Variants in ITSN1 observed in about 807,000 individuals in gnomAD.
The protein encoded by ITSN1 is intersectin 1.
Under a neutral mutation model 239.8 loss-of-function variants are expected in ITSN1, and 58 were observed. That is an observed-to-expected ratio of 0.24 (90% CI 0.20 to 0.30). The LOEUF is 0.30. Among genes scored for constraint, ITSN1 ranks in the 10% least tolerant of loss-of-function variants. The probability of loss-of-function intolerance (pLI) is 1.00; values close to 1 mark genes in which losing one functional copy is unlikely to be tolerated. For missense variants in ITSN1, 1,558 were observed against 2,103.3 expected (o/e 0.74, Z 5.07); for synonymous variants, 780 against 770.8 (o/e 1.01, Z -0.20).
intron 8 of ITSN1, among the ~76,000 whole-genome samples, chr21:33,759,533 T>C (rs2068147218): frequency 6.6e-6 from 1 of 152,214 alleles, no homozygotes; most frequent in Non-Finnish European, 1.5e-5. Flanking sequence ...ACTAAAGTTT[T>C]GTTAATTCTA....
intron 27 of ITSN1, among the ~76,000 whole-genome samples, chr21:33,833,915 CATTATTATT>C (rs59665729): frequency 1.3e-5 from 2 of 149,840 alleles, no homozygotes; most frequent in Admixed American, 6.6e-5. Context: ...TATTGGTGGC[CATTATTATT>C]ATTATTATTA....
chr21:33,865,843 G>A lies in ITSN1; in HGVS notation c.4074+509G>A, dbSNP rs563648062. Among the ~76,000 whole-genome samples, 47 of 152,222 alleles carry A rather than the reference G, an allele frequency of 3.1e-4. No individual in the cohort carries two copies. The highest frequency in any genetic ancestry group is 1.0e-3 in the African/African-American group (43 of 41,536). On this transcript the variant is annotated intron_variant, in intron 32 of 39. Transcript: ENST00000381318. The surrounding 1 kb of genome is among the most constrained non-coding windows in gnomAD (Gnocchi z 4.4). ...GGGATGCCAGGACCTCTTCCTTGGA[G>A]GTAGCAGGGATCTGGAGAGTTGGGA...
intron 14 of ITSN1, among the ~76,000 whole-genome samples, chr21:33,776,827 C>T (rs1482320720): frequency 3.3e-5 from 5 of 151,558 alleles, no homozygotes; most frequent in African/African-American, 7.3e-5. Context: ...TTGTCAGATA[C>T]GTGTTTTGCA....
chr21:33,865,164 C>T lies in ITSN1; in HGVS notation c.3904C>T (p.Arg1302Cys). The change falls in exon 32 of 40, where the codon CGC becomes TGC. Residue 1302 changes from arginine (R) to cysteine (C), a missense_variant. Arg to Cys is a radical substitution (Grantham distance 180). This residue lies in a region of ITSN1 where 576 missense variants were observed against 893.3 expected (regional missense o/e 0.64). Coordinates refer to ENST00000381318, the MANE Select transcript of ITSN1 (RefSeq NM_003024.3). The surrounding 1 kb of genome is among the most constrained non-coding windows in gnomAD (Gnocchi z 4.4). ...GTTTCCGTGCAGAGCGCTGAGAGTC[C>T]GCAAGAAGATGTCCGGGGAGAAGAT... ...NIKLLKALRV[R>C]KKMSGEKMPV... The T allele has an allele frequency of 6.2e-7, 1 of 1,613,386 alleles. No homozygotes were observed.
chr21:33,869,423 T>G (rs1306543216), intron 33 of ITSN1, among the ~76,000 whole-genome samples: 1 of 152,244 alleles, frequency 6.6e-6, no homozygotes, highest in Admixed American at 6.5e-5. Flanking sequence ...ACCCCAACGA[T>G]TCAATTATCT....
intron 1 of ITSN1, among the ~76,000 whole-genome samples, chr21:33,660,610 C>T (rs1384770104): frequency 6.6e-6 from 1 of 152,166 alleles, no homozygotes; most frequent in Admixed American, 6.5e-5. Flanking sequence ...TGTTGTGAAA[C>T]GTTGTTTTGG....
chr21:33,870,549 T>G (rs1982538130), intron 33 of ITSN1, among the ~76,000 whole-genome samples: 1 of 152,214 alleles, frequency 6.6e-6, no homozygotes, highest in South Asian at 2.1e-4. Flanking sequence ...TTTATGATAC[T>G]GATGTGGAGA....
Position 33,794,324 on chromosome 21 carries a change from T to G in ITSN1, c.1825-17T>G. 6.3e-7 allele frequency: 1 copy of G among 1,595,336 alleles called. No homozygotes were observed. Among genetic ancestry groups the G allele is most frequent in the Non-Finnish European group, 8.6e-7 (1 of 1,167,298 alleles). ...TCACTCATGTCGCTACATGAACTGTTTCTCGGTTAATTATAGGAACTAAGA... is the reference window on the plus strand; with the variant it reads ...TCACTCATGTCGCTACATGAACTGTGTCTCGGTTAATTATAGGAACTAAGA... On this transcript the variant is annotated splice_polypyrimidine_tract_variant and intron_variant, in intron 16 of 39. Coordinates refer to ENST00000381318, the MANE Select transcript of ITSN1 (RefSeq NM_003024.3).
chr21:33,782,258 G>A (rs750762473), intron 16 of ITSN1, 125 bp downstream of exon 16: 44 of 942,988 alleles, frequency 4.7e-5, no homozygotes, highest in Non-Finnish European at 7.2e-5. Context: ...AATCTAAATT[G>A]CACTTTTCTC....
intron 9 of ITSN1, among the ~76,000 whole-genome samples, chr21:33,762,960 A>G (rs1211408628): frequency 6.6e-6 from 1 of 152,038 alleles, no homozygotes; most frequent in Admixed American, 6.6e-5. Flanking sequence ...ACTGCGCCTG[A>G]CCGACTTTCT....
At chr21:33,654,626 A>G (rs772096169) in intron 1 of ITSN1, among the ~76,000 whole-genome samples, 1 of 152,078 alleles carries the variant, frequency 6.6e-6, no homozygotes, top group African/African-American at 2.4e-5. Context: ...CACCTGACCA[A>G]CCTGGCCCAA....
At chr21:33,681,816 G>A (rs1354869467) in intron 1 of ITSN1, among the ~76,000 whole-genome samples, 1 of 151,170 alleles carries the variant, frequency 6.6e-6, no homozygotes, top group African/African-American at 2.4e-5. Flanking sequence ...GACTACAGGC[G>A]CCCACCACTA....
intron 3 of ITSN1, 112 bp from the exon 4 acceptor site, chr21:33,722,476 A>G (rs1417371852): frequency 1.4e-5 from 18 of 1,319,466 alleles, no homozygotes; most frequent in Non-Finnish European, 1.8e-5. Context: ...CTCAACTGGT[A>G]TTTATAGTAT....
chr21:33,654,698 A>C (rs936536975), intron 1 of ITSN1, among the ~76,000 whole-genome samples: 4 of 152,184 alleles, frequency 2.6e-5, no homozygotes, highest in Admixed American at 2.0e-4. Context: ...ATTTGGCCTT[A>C]ATATGCTCAA....
chr21:33,823,818 G>T (rs568601883), intron 25 of ITSN1, among the ~76,000 whole-genome samples, 165 bp downstream of exon 25: 1 of 152,132 alleles, frequency 6.6e-6, no homozygotes, highest in Admixed American at 6.6e-5. Context: ...TTGGCACTGC[G>T]CAGTAAGCAC....
intron 1 of ITSN1, among the ~76,000 whole-genome samples, chr21:33,710,971 AATT>A (rs2092399343): frequency 6.6e-6 from 1 of 151,680 alleles, no homozygotes; most frequent in African/African-American, 2.4e-5. Flanking sequence ...ACACCCAGCT[AATT>A]ATTGTATTTT....
intron 1 of ITSN1, among the ~76,000 whole-genome samples, chr21:33,659,773 G>A (rs929240257): frequency 1.4e-5 from 2 of 139,590 alleles, no homozygotes; most frequent in Admixed American, 7.6e-5. Flanking sequence ...AGTGCAGTGA[G>A]ATGATCATTG....
At chr21:33,758,020 G>A (rs563200278) in intron 8 of ITSN1, among the ~76,000 whole-genome samples, 39 of 152,148 alleles carry the variant, frequency 2.6e-4, no homozygotes, top group Non-Finnish European at 4.4e-4. Context: ...GGGACTACAG[G>A]CGTGCATGCA....
chr21:33,803,223 G>A (rs1201406900), intron 20 of ITSN1, among the ~76,000 whole-genome samples: 1 of 152,222 alleles, frequency 6.6e-6, no homozygotes, highest in Non-Finnish European at 1.5e-5. Context: ...TGTTAGCATG[G>A]TTGTATAAAT....
Sources: gnomAD v4.1 joint callset for allele counts (sites outside exome capture counted in the v4.1 genomes callset) on GRCh38, gnomAD v4.1.1 for gene constraint, gnomAD v4.1.1 regional missense constraint, Gnocchi (gnomAD v3.1) non-coding constraint, MANE v1.5 for transcripts, NCBI Gene and HGNC (gene_info 2026-07-23, HGNC 2026-07-21) for gene names.